Variants in DMGDH observed in about 807,000 individuals in gnomAD.
DMGDH encodes dimethylglycine dehydrogenase.
DMGDH carries 76 observed loss-of-function variants against 95.2 expected under a neutral mutation model. The ratio of observed to expected loss-of-function variants is 0.80; its 90% CI spans 0.66 to 0.97. The LOEUF (loss-of-function observed/expected upper bound fraction) is 0.97, where lower values mean the gene tolerates loss of function less well. Among genes scored for constraint, DMGDH ranks in the 50% least tolerant of loss-of-function variants. The pLI is 0.00. For missense variants in DMGDH, 987 were observed against 1,055.0 expected, an observed-to-expected ratio of 0.94 and a Z score of 0.89; for synonymous variants, 345 against 377.6, an observed-to-expected ratio of 0.91 and a Z score of 1.00.
rs917128060 is a variant in DMGDH, at chr5:79,069,607, C to T, written c.14G>A (p.Gly5Asp). ...CAGGAGGCCCCGCAGCAGCTGCGCG[C>T]CGGGACGGAGCATGACTAGGCCGAG... is the stretch of plus-strand genomic sequence containing the variant. The part of the protein sequence containing the change: MLRP[G>D]AQLLRGLLLR... The change falls in exon 1 of 16, where the codon GGC becomes GAC. Residue 5 changes from glycine (G) to aspartate (D), a missense_variant. Transcript: ENST00000255189. 1.5e-6 allele frequency: 2 copies of T among 1,373,584 alleles called. No individual in the cohort carries two copies. Among genetic ancestry groups the T allele is most frequent in the South Asian group, 1.7e-5 (1 of 57,784 alleles). 85.1% of individuals were successfully genotyped at this position (1,373,584 alleles called of 1,614,324 possible).
At chr5:79,059,717 T>C (rs923653277) in intron 2 of DMGDH, among the ~76,000 whole-genome samples, 21 of 152,244 alleles carry the variant, frequency 1.4e-4, no homozygotes, top group African/African-American at 3.9e-4. Context: ...CAGGACTATT[T>C]TGCAAAAGGC....
chr5:79,042,328 C>A lies in DMGDH; in HGVS notation c.1148G>T (p.Gly383Val), dbSNP rs1490376179. Residue 383 changes from glycine (G) to valine (V), a missense_variant, in exon 7 of 16, where the codon GGG becomes GTG. Coordinates refer to ENST00000255189, the MANE Select transcript of DMGDH (RefSeq NM_013391.3). Reference sequence around the variant, plus strand: ...GTAGTTTCTGACCCCCTGATGGGGCCCCACCATAGGCAGAATGTCAGGAGA... The same window carrying A: ...GTAGTTTCTGACCCCCTGATGGGGCACCACCATAGGCAGAATGTCAGGAGA... ...TYSPDILPMV[G>V]PHQGVRNYWV... 6.2e-7 allele frequency: 1 copy of A among 1,614,188 alleles called. No individual in the cohort carries two copies. Among genetic ancestry groups the A allele is most frequent in the Admixed American group, 1.7e-5 (1 of 60,022 alleles).
chr5:79,023,889 A>G (rs1272087185), intron 14 of DMGDH, among the ~76,000 whole-genome samples: 2 of 152,244 alleles, frequency 1.3e-5, no homozygotes, highest in East Asian at 1.9e-4. Flanking sequence ...TGAATGCACT[A>G]TGTTTGATCA....
At chr5:79,046,117 T>C (rs475156) in intron 5 of DMGDH, among the ~76,000 whole-genome samples, 85,144 of 151,330 alleles carry the variant, frequency 0.56, 24,185 homozygotes, top group East Asian at 0.78. Flanking sequence ...GACAGAGTCT[T>C]GCTCTGTTGC....
chr5:79,032,975 T>C (rs949654916), intron 8 of DMGDH, 135 bp from the exon 9 acceptor site: 37 of 1,142,752 alleles, frequency 3.2e-5, no homozygotes, highest in Non-Finnish European at 4.4e-5. Flanking sequence ...ATATGAATGA[T>C]TCATGTAGAA....
intron 15 of DMGDH, chr5:79,000,494 C>A: frequency 3.3e-6 from 2 of 606,096 alleles, no homozygotes; most frequent in South Asian, 2.9e-5. Flanking sequence ...CTTATTCGGT[C>A]TGTAACAGAA....
intron 7 of DMGDH, 151 bp downstream of exon 7, chr5:79,042,132 A>G (rs1580212260): frequency 2.7e-6 from 2 of 750,608 alleles, no homozygotes; most frequent in East Asian, 5.4e-5. Flanking sequence ...CTTGGTCATG[A>G]AAGGGAGAAA....
chr5:79,062,490 T>C (rs1306792586), intron 2 of DMGDH, among the ~76,000 whole-genome samples: 3 of 151,304 alleles, frequency 2.0e-5, no homozygotes, highest in Non-Finnish European at 2.9e-5. Context: ...AATGGGATGA[T>C]GAGCAGGGGC....
chr5:79,025,355 C>G (rs375698431), intron 13 of DMGDH, among the ~76,000 whole-genome samples: 3 of 152,152 alleles, frequency 2.0e-5, no homozygotes, highest in African/African-American at 7.2e-5. Context: ...TCTGTCCCTG[C>G]GCCTAGCCTC....
At chr5:79,006,066 T>TA (rs397745649) in intron 14 of DMGDH, among the ~76,000 whole-genome samples, 60 of 151,476 alleles carry the variant, frequency 4.0e-4, no homozygotes, top group Non-Finnish European at 6.8e-4. Flanking sequence ...TTTTTTTTTT[T>TA]ACTTCTTCCG....
rs1377996139 is a variant in DMGDH at position 79,029,997 on chromosome 5, T to G, written c.1721A>C (p.Lys574Thr). ...FTNISHMLTP[K>T]GRVYAELTVS... ...AGTCAGCTCAGCATACACTCGACCCTTGGGTGTTAACATGTGACTTATATT... is the reference window on the plus strand; with the variant it reads ...AGTCAGCTCAGCATACACTCGACCCGTGGGTGTTAACATGTGACTTATATT... The change falls in exon 11 of 16, where the codon AAG (lysine) becomes ACG (threonine). Residue 574 changes from lysine to threonine, a missense_variant. By Grantham distance (78) the Lys-to-Thr change is moderately conservative. Transcript: ENST00000255189. 4 of 1,614,030 alleles carry G rather than the reference T, an allele frequency of 2.5e-6. No homozygotes were observed. In the South Asian group the frequency reaches 3.3e-5, roughly 13 times the overall value.
intron 10 of DMGDH, 110 bp from the exon 11 acceptor site, chr5:79,030,144 CT>C: frequency 1.1e-6 from 1 of 939,640 alleles, no homozygotes; most frequent in Non-Finnish European, 1.6e-6. Flanking sequence ...GTATCTGAAT[CT>C]TACTGTTTGT....
chr5:79,047,554 A>G (rs1178585717), intron 5 of DMGDH, among the ~76,000 whole-genome samples: 1 of 152,220 alleles, frequency 6.6e-6, no homozygotes, highest in Non-Finnish European at 1.5e-5. Context: ...AAAACGTTCA[A>G]CACCATGCGG....
intron 14 of DMGDH, among the ~76,000 whole-genome samples, chr5:79,013,889 A>G (rs1182985935): frequency 6.6e-6 from 1 of 152,170 alleles, no homozygotes. Context: ...CATTCATGAG[A>G]AACCACCCCC....
At chr5:79,003,809 T>G (rs530772311) in intron 15 of DMGDH, among the ~76,000 whole-genome samples, 1 of 152,066 alleles carries the variant, frequency 6.6e-6, no homozygotes, top group Non-Finnish European at 1.5e-5. Context: ...TAGCCAAGCA[T>G]GGTGGCACGC....
At chr5:79,049,684 G>T (rs1471528571) in intron 5 of DMGDH, among the ~76,000 whole-genome samples, 1 of 152,210 alleles carries the variant, frequency 6.6e-6, no homozygotes, top group Non-Finnish European at 1.5e-5. Context: ...TTAGACCAGA[G>T]ATTCCTAAGG....
intron 1 of DMGDH, 110 bp downstream of exon 1, chr5:79,069,410 G>C (rs1196372243): frequency 2.1e-6 from 1 of 469,896 alleles, no homozygotes; most frequent in Non-Finnish European, 3.4e-6. Context: ...ATATATCAAG[G>C]CCTATTTCTT....
chr5:79,051,089 C>T (rs1393704106), intron 5 of DMGDH, among the ~76,000 whole-genome samples, 198 bp downstream of exon 5: 1 of 151,420 alleles, frequency 6.6e-6, no homozygotes, highest in African/African-American at 2.4e-5. Context: ...TTTTGGATAA[C>T]CAAGGACAGA....
intron 14 of DMGDH, among the ~76,000 whole-genome samples, chr5:79,019,754 G>A (rs1196379760): frequency 2.6e-5 from 4 of 152,208 alleles, no homozygotes; most frequent in South Asian, 2.1e-4. Flanking sequence ...GCATGGTGGC[G>A]GGTGCTTGTA....
Sources: gnomAD v4.1 joint callset for allele counts (sites outside exome capture counted in the v4.1 genomes callset) on GRCh38, gnomAD v4.1.1 for gene constraint, MANE v1.5 for transcripts, NCBI Gene and HGNC (gene_info 2026-07-23, HGNC 2026-07-21) for gene names.